MYO5B: variants seen among roughly 807,000 people sequenced by gnomAD.
The protein encoded by MYO5B is myosin VB.
Under a neutral mutation model 229.3 loss-of-function variants are expected in MYO5B, and 143 were observed. The ratio of observed to expected loss-of-function variants is 0.62; its 90% CI spans 0.54 to 0.72. The LOEUF (loss-of-function observed/expected upper bound fraction) is 0.72. Among genes scored for constraint, MYO5B ranks in the 30% least tolerant of loss-of-function variants. The pLI, the probability that MYO5B is intolerant of heterozygous loss-of-function variation, is 0.00. For missense variants in MYO5B, 2,321 were observed against 2,331.0 expected, an observed-to-expected ratio of 1.00 and a Z score of 0.09; for synonymous variants, 918 against 885.2, an observed-to-expected ratio of 1.04 and a Z score of -0.66.
intron 32 of MYO5B, among the ~76,000 whole-genome samples, chr18:49,849,044 C>T (rs1394377728): frequency 1.3e-5 from 2 of 151,794 alleles, no homozygotes; most frequent in Admixed American, 6.6e-5. Flanking sequence ...GGGTTCCAAG[C>T]AGGGTGACAT....
rs541488471 is a variant in MYO5B at position 49,936,487 on chromosome 18, C to T, written c.1906-138G>A. The T allele has an allele frequency of 3.2e-4, 234 of 742,006 alleles. 2 individuals are homozygous for T. The South Asian group carries it at 3.4e-3, about 11-fold the overall frequency. 46.0% of individuals were successfully genotyped at this position (742,006 alleles called of 1,614,324 possible). A position where few individuals can be genotyped will look rare whatever the true frequency, so the allele number is the denominator to read the frequency against. On this transcript the variant is annotated intron_variant, in intron 15 of 39. Coordinates refer to ENST00000285039, the MANE Select transcript of MYO5B (RefSeq NM_001080467.3). Reference sequence around the variant, plus strand: ...AGAAGGATGGAAGAAATTTCAGAGACCTGGGGTAAGATTCCAGCTCTGACA... The same window carrying T: ...AGAAGGATGGAAGAAATTTCAGAGATCTGGGGTAAGATTCCAGCTCTGACA...
chr18:50,033,925 T>TG (rs1273583140), intron 4 of MYO5B, among the ~76,000 whole-genome samples: 2 of 138,572 alleles, frequency 1.4e-5, no homozygotes, highest in South Asian at 2.6e-4. Flanking sequence ...GGGGTGGGTA[T>TG]GGGGGGGAAT....
At chr18:49,974,798 G>GACACACACAGACAC (rs2025730950) in intron 9 of MYO5B, among the ~76,000 whole-genome samples, 183 bp from the exon 10 acceptor site, 1 of 130,996 alleles carries the variant, frequency 7.6e-6, no homozygotes, top group Non-Finnish European at 1.6e-5. Context: ...CACACACACA[G>GACACACACAGACAC]ACACACACAC....
At chr18:50,171,418 C>T (rs1424473431) in intron 1 of MYO5B, among the ~76,000 whole-genome samples, 1 of 126,752 alleles carries the variant, frequency 7.9e-6, no homozygotes, top group Non-Finnish European at 1.7e-5. Context: ...TGACCTTGGT[C>T]TCGAGAGAGA....
intron 5 of MYO5B, among the ~76,000 whole-genome samples, chr18:49,996,100 C>G (rs1420595997): frequency 6.6e-6 from 1 of 152,166 alleles, no homozygotes; most frequent in East Asian, 1.9e-4. Flanking sequence ...AGCAATAAGA[C>G]CTTTTACCAT....
chr18:49,940,144 G>C (rs989094340), intron 14 of MYO5B, among the ~76,000 whole-genome samples: 1 of 151,904 alleles, frequency 6.6e-6, no homozygotes, highest in Non-Finnish European at 1.5e-5. Context: ...TGTAAGAATA[G>C]GTCCAAAATT....
chr18:50,054,472 T>TGAAACAGCAGGGCCACAAG (rs1283904485), intron 2 of MYO5B, among the ~76,000 whole-genome samples: 2 of 152,230 alleles, frequency 1.3e-5, no homozygotes, highest in Non-Finnish European at 2.9e-5. Context: ...CTGAGCTATC[T>TGAAACAGCAGGGCCACAAG]GAAACAGCAG....
chr18:50,192,308 G>GA (rs2033239710), intron 1 of MYO5B, among the ~76,000 whole-genome samples: 1 of 152,208 alleles, frequency 6.6e-6, no homozygotes, highest in Non-Finnish European at 1.5e-5. Flanking sequence ...TCAAGACCCT[G>GA]AAGCATTTCT....
intron 1 of MYO5B, among the ~76,000 whole-genome samples, chr18:50,063,229 T>C (rs1307539201): frequency 6.6e-6 from 1 of 152,192 alleles, no homozygotes; most frequent in Non-Finnish European, 1.5e-5. Flanking sequence ...GAGCCATGCT[T>C]CTGAGTTTCC....
chr18:50,100,704 C>A (rs1184567080), intron 1 of MYO5B, among the ~76,000 whole-genome samples: 1 of 152,222 alleles, frequency 6.6e-6, no homozygotes, highest in Non-Finnish European at 1.5e-5. Context: ...TTTTCCAGGT[C>A]TAGGGATCAG....
chr18:49,997,267 T>TAAA lies in MYO5B; in HGVS notation c.612+3985_612+3987dup, dbSNP rs58927375. Among the ~76,000 whole-genome samples, 258 of 101,170 alleles carry TAAA rather than the reference T, an allele frequency of 2.6e-3. 2 individuals carry two copies. Among genetic ancestry groups the TAAA allele is most frequent in the Non-Finnish European group, 3.4e-3 (183 of 54,576 alleles). 66.4% of individuals were successfully genotyped at this position (101,170 alleles called of 152,430 possible). A position where few individuals can be genotyped will look rare whatever the true frequency, so the allele number is the denominator to read the frequency against. ...GGGTGACAAAGCAAGGTCCTGTCTT[T>TAAA]AAAAAAAAAAAAAAAAAAAAAAAAA... On this transcript the variant is annotated intron_variant, in intron 5 of 39. Transcript: ENST00000285039.
chr18:50,149,476 C>T (rs1318792473), intron 1 of MYO5B, among the ~76,000 whole-genome samples: 1 of 151,716 alleles, frequency 6.6e-6, no homozygotes. Context: ...GGTACTGGTA[C>T]CAAAAGAGAG....
chr18:49,858,055 A>T (rs1335190843), intron 29 of MYO5B, among the ~76,000 whole-genome samples: 1 of 152,144 alleles, frequency 6.6e-6, no homozygotes, highest in African/African-American at 2.4e-5. Flanking sequence ...ACCATCTGTA[A>T]ACCAAAAATA....
chr18:50,106,106 C>G (rs918118588), intron 1 of MYO5B, among the ~76,000 whole-genome samples: 4 of 152,120 alleles, frequency 2.6e-5, no homozygotes, highest in African/African-American at 9.7e-5. Context: ...CATCCTCTTA[C>G]TTGCCCAAAA....
At chr18:49,942,451 T>C (rs1453466698) in intron 14 of MYO5B, among the ~76,000 whole-genome samples, 1 of 149,306 alleles carries the variant, frequency 6.7e-6, no homozygotes, top group African/African-American at 2.5e-5. Flanking sequence ...GAGAAAATTT[T>C]TGCAATCTAC....
At chr18:50,124,380 C>G (rs1324420998) in intron 1 of MYO5B, among the ~76,000 whole-genome samples, 3 of 152,182 alleles carry the variant, frequency 2.0e-5, no homozygotes, top group African/African-American at 7.2e-5. Flanking sequence ...AGTTGGTACA[C>G]CTTTTCCCAT....
intron 1 of MYO5B, among the ~76,000 whole-genome samples, chr18:50,075,659 C>T (rs2031062084): frequency 6.6e-6 from 1 of 152,296 alleles, no homozygotes; most frequent in South Asian, 2.1e-4. Context: ...AGACTACAGG[C>T]TTTAGGCTTC....
chr18:49,906,911 G>A (rs914526789), intron 18 of MYO5B, among the ~76,000 whole-genome samples: 1 of 152,222 alleles, frequency 6.6e-6, no homozygotes, highest in African/African-American at 2.4e-5. Flanking sequence ...CGTTTTCAGA[G>A]AATGGTGAGG....
chr18:49,865,001 T>C (rs893257853), intron 27 of MYO5B, among the ~76,000 whole-genome samples: 1 of 152,212 alleles, frequency 6.6e-6, no homozygotes, highest in Non-Finnish European at 1.5e-5. Flanking sequence ...CTTTGGAACA[T>C]ACTTCATATT....
Sources: allele counts gnomAD v4.1 joint callset (sites outside exome capture counted in the v4.1 genomes callset), GRCh38; gene constraint gnomAD v4.1.1; transcripts MANE v1.5; gene names NCBI Gene and HGNC (gene_info 2026-07-23, HGNC 2026-07-21).